Variants in PTGS2 observed in about 807,000 individuals in gnomAD.
The protein encoded by PTGS2 is prostaglandin-endoperoxide synthase 2.
In PTGS2, 14 loss-of-function variants were observed where a neutral mutation model predicts 63.8. The observed-to-expected ratio is 0.22, with a 90% CI of 0.14 to 0.34. The LOEUF is 0.34. Ranked by LOEUF, PTGS2 falls within the 10% of genes least tolerant of loss-of-function variation. PTGS2 has a pLI of 1.00. For synonymous variants in PTGS2, 271 were observed against 259.5 expected (o/e 1.04, Z -0.43); for missense variants, 533 against 738.5 (o/e 0.72, Z 3.23).
rs5271 is a variant in PTGS2 at position 186,680,415 on chromosome 1, A to C, written c.-125T>G. 2,814 of 639,186 alleles carry C rather than the reference A, an allele frequency of 4.4e-3. 51 individuals carry two copies. The highest frequency in any genetic ancestry group is 0.042 in the African/African-American group (2,205 of 52,446). 39.6% of individuals were successfully genotyped at this position (639,186 alleles called of 1,614,324 possible). On this transcript the variant is annotated 5_prime_UTR_variant, in exon 1 of 10. Transcript: ENST00000367468. ...GCTCCTGACGCTCACTGCAAGTCGT[A>C]TGACAATTGGTCGCTAACCGAGAGA...
chr1:186,679,512 A>G (rs57950969), intron 1 of PTGS2, 74 bp from the exon 2 acceptor site: 5 of 1,106,746 alleles, frequency 4.5e-6, no homozygotes, highest in African/African-American at 1.6e-5. Flanking sequence ...TTGTTTGACT[A>G]TGAATCAACT....
chr1:186,678,508 G>T (rs1222672020), intron 3 of PTGS2, 104 bp from the exon 4 acceptor site: 1 of 1,074,714 alleles, frequency 9.3e-7, no homozygotes, highest in Admixed American at 3.0e-5. Context: ...GAGGTTGAAT[G>T]TAACTCCAAA....
Position 186,679,135 on chromosome 1 carries a change from G to A in PTGS2, c.236C>T (p.Thr79Ile). 1 of 1,614,122 alleles carries A rather than the reference G, an allele frequency of 6.2e-7. No individual in the cohort carries two copies. The highest frequency in any genetic ancestry group is 8.5e-7 in the Non-Finnish European group (1 of 1,180,006). ...AACGTTCCAAAATCCCTTGAAGTGGGTAAGTATGTAGTGCACTGTGTTTGG... is the reference window on the plus strand; with the variant it reads ...AACGTTCCAAAATCCCTTGAAGTGGATAAGTATGTAGTGCACTGTGTTTGG... Reference protein sequence around the residue: ...PTPNTVHYILTHFKGFWNVVN... With the variant: ...PTPNTVHYILIHFKGFWNVVN... The change falls in exon 3 of 10, where the codon ACC becomes ATC. Residue 79 changes from threonine (T) to isoleucine (I), a missense_variant. Thr to Ile is a moderately conservative substitution (Grantham distance 89, BLOSUM62 -1). Coordinates refer to ENST00000367468, the MANE Select transcript of PTGS2 (RefSeq NM_000963.4).
chr1:186,675,203 C>T (rs767434713), intron 9 of PTGS2, 46 bp downstream of exon 9: 1 of 1,591,326 alleles, frequency 6.3e-7, no homozygotes. Flanking sequence ...ACAACAAAAA[C>T]AAACAAACAA....
At position 186,677,612 on chromosome 1, in the gene PTGS2, T is replaced by G. The variant is rs113471898; in HGVS notation, c.639+37A>C. The G allele has an allele frequency of 1.8e-5, 28 of 1,520,694 alleles. No homozygotes were observed. The African/African-American group carries it at 2.4e-4, about 13-fold the overall frequency. 94.2% of individuals were successfully genotyped at this position (1,520,694 alleles called of 1,614,324 possible). A position where few individuals can be genotyped will look rare whatever the true frequency, so the allele number is the denominator to read the frequency against. On this transcript the variant is annotated intron_variant, in intron 5 of 9. Transcript: ENST00000367468. ...GTTAGCCCTTGACTATGATTTGGTA[T>G]AATTTTACTAACTCTAAGATATTAA...
Position 186,675,281 on chromosome 1 carries a change from A to G in PTGS2, c.1373T>C (p.Leu458Pro). 6.2e-7 allele frequency: 1 copy of G among 1,613,840 alleles called. No homozygotes were observed. Among genetic ancestry groups the G allele is most frequent in the Non-Finnish European group, 8.5e-7 (1 of 1,179,938 alleles). ...TTCTTCAAATGATTCATAGGGCTTCAGCATAAAGCGTTTGCGGTACTCATT... is the reference window on the plus strand; with the variant it reads ...TTCTTCAAATGATTCATAGGGCTTCGGCATAAAGCGTTTGCGGTACTCATT... ...SFNEYRKRFM[L>P]KPYESFEELT... The change falls in exon 9 of 10, where the codon CTG (leucine) becomes CCG (proline). Residue 458 changes from leucine to proline, a missense_variant. This residue lies in a region of PTGS2 where 219 missense variants were observed against 267.4 expected (regional missense o/e 0.82). Coordinates refer to ENST00000367468, the MANE Select transcript of PTGS2 (RefSeq NM_000963.4).
intron 9 of PTGS2, 139 bp downstream of exon 9, chr1:186,675,110 G>A (rs1665757267): frequency 1.9e-6 from 2 of 1,070,304 alleles, no homozygotes; most frequent in African/African-American, 3.2e-5. Context: ...CCAGGAGGCG[G>A]AGGTTGCAGT....
In PTGS2 at chr1:186,679,006, G is replaced by A. The variant is rs944404094; in HGVS notation, c.313+52C>T. 40 of 1,557,120 alleles carry A rather than the reference G, an allele frequency of 2.6e-5. 1 individual carries two copies. The highest frequency in any genetic ancestry group is 3.0e-5 in the Non-Finnish European group (34 of 1,145,506). On this transcript the variant is annotated intron_variant, in intron 3 of 9. Transcript: ENST00000367468. ...TAGATTAGGCTTACAGTATTATAAA[G>A]CATATTTTTCTTTGAGAAGGCTAAA... is the stretch of plus-strand genomic sequence containing the variant.
chr1:186,674,898 G>A, intron 9 of PTGS2, 136 bp from the exon 10 acceptor site: 1 of 1,093,650 alleles, frequency 9.1e-7, no homozygotes, highest in Non-Finnish European at 1.3e-6. Flanking sequence ...AAGTTTAGGG[G>A]CCAGGCGCGG....
chr1:186,674,318 G>A lies in PTGS2; in HGVS notation c.*35C>T. 4 of 1,319,166 alleles carry A rather than the reference G, an allele frequency of 3.0e-6. No homozygotes were observed. In the African/African-American group the frequency reaches 4.5e-5, roughly 15 times the overall value. 81.7% of individuals were successfully genotyped at this position (1,319,166 alleles called of 1,614,324 possible). A position where few individuals can be genotyped will look rare whatever the true frequency, so the allele number is the denominator to read the frequency against. On this transcript the variant is annotated 3_prime_UTR_variant, in exon 10 of 10. Transcript: ENST00000367468. ...TTAAATAATTAAATTAATAGACATG[G>A]TTCATATAAATAAATAAATATGATC...
At chr1:186,679,008 A>T in intron 3 of PTGS2, 50 bp downstream of exon 3, 1 of 1,567,502 alleles carries the variant, frequency 6.4e-7, no homozygotes, top group Non-Finnish European at 8.7e-7. Context: ...ATTATAAAGC[A>T]TATTTTTCTT....
In PTGS2 at chr1:186,677,752, C is replaced by A; in HGVS notation, c.536G>T (p.Gly179Val). The change falls in exon 5 of 10, where the codon GGC becomes GTC. Residue 179 changes from glycine (G) to valine (V), a missense_variant. Gly to Val is a moderately radical substitution (Grantham distance 109). Transcript: ENST00000367468. ...LRRKFIPDPQ[G>V]SNMMFAFFAQ... ...AAAGAATGCAAACATCATGTTTGAG[C>A]CCTGGGGATCAGGGATGAACTTTCT... is the stretch of plus-strand genomic sequence containing the variant. 6.2e-7 allele frequency: 1 copy of A among 1,613,876 alleles called. No individual in the cohort carries two copies. The highest frequency in any genetic ancestry group is 8.5e-7 in the Non-Finnish European group (1 of 1,179,910).
Position 186,676,016 on chromosome 1 carries a change from G to T in PTGS2, c.1139C>A (p.Thr380Asn). The T allele has an allele frequency of 6.2e-7, 1 of 1,614,034 alleles. No homozygotes were observed. Among genetic ancestry groups the T allele is most frequent in the Non-Finnish European group, 8.5e-7 (1 of 1,179,956 alleles). Residue 380 changes from threonine to asparagine, a missense_variant, in exon 8 of 10, where the codon ACC (threonine) becomes AAC (asparagine). Physicochemically the swap from Thr to Asn is moderately conservative, Grantham distance 65. Transcript: ENST00000367468. ...LYHWHPLLPD[T>N]FQIHDQKYNY... Reference sequence around the variant, plus strand: ...GTATTTCTGGTCATGAATTTGAAAGGTGTCAGGCAGAAGGGGATGCCAGTG... The same window carrying T: ...GTATTTCTGGTCATGAATTTGAAAGTTGTCAGGCAGAAGGGGATGCCAGTG...
At chr1:186,678,191 A>ATT (rs553869709) in intron 4 of PTGS2, 70 bp downstream of exon 4, 110 of 1,066,224 alleles carry the variant, frequency 1.0e-4, no homozygotes, top group South Asian at 5.9e-4. Flanking sequence ...TCTAAGGTCA[A>ATT]TTTTTTTTTT....
rs1271131520 is a variant in PTGS2, at chr1:186,674,105, T to G, written c.*248A>C. On this transcript the variant is annotated 3_prime_UTR_variant, in exon 10 of 10. Transcript: ENST00000367468. ...AAGTTGAAATTCAAGTAAAAAGACG[T>G]CAAAACTCATTTCTCTCTGGTTTAT... 1.5e-5 allele frequency: 3 copies of G among 203,862 alleles called. No homozygotes were observed. The highest frequency in any genetic ancestry group is 9.6e-6 in the Non-Finnish European group (1 of 103,762). 12.6% of individuals were successfully genotyped at this position (203,862 alleles called of 1,614,324 possible). A position where few individuals can be genotyped will look rare whatever the true frequency, so the allele number is the denominator to read the frequency against.
In PTGS2 at chr1:186,676,468, T is replaced by A. The variant is rs560493125; in HGVS notation, c.969A>T (p.Ile323=). The change falls in exon 7 of 10, where the codon ATA becomes ATT. Residue 323 remains isoleucine (I), a splice_region_variant and synonymous_variant. Coordinates refer to ENST00000367468, the MANE Select transcript of PTGS2 (RefSeq NM_000963.4). The part of the protein sequence containing the change: ...QLFQTSRLIL[I]GETIKIVIED... ...TATATAAATCATTTTCTTGTTTACC[T>A]ATCAGTATTAGCCTGCTTGTCTGGA... The A allele has an allele frequency of 8.1e-6, 13 of 1,613,010 alleles. No homozygotes were observed. The South Asian group carries it at 1.4e-4, about 18-fold the overall frequency.
At chr1:186,675,551 C>G in intron 8 of PTGS2, 155 bp from the exon 9 acceptor site, 1 of 903,268 alleles carries the variant, frequency 1.1e-6, no homozygotes, top group Non-Finnish European at 1.6e-6. Context: ...TCAACAGGAG[C>G]TCTGCTTAAA....
In PTGS2 at chr1:186,679,123, C is replaced by T. The variant is rs866635655; in HGVS notation, c.248G>A (p.Gly83Glu). 4 of 1,614,108 alleles carry T rather than the reference C, an allele frequency of 2.5e-6. No individual in the cohort carries two copies. The highest frequency in any genetic ancestry group is 3.4e-6 in the Non-Finnish European group (4 of 1,180,008). The part of the protein sequence containing the change: ...TVHYILTHFK[G>E]FWNVVNNIPF... ...AATGTTATTCACAACGTTCCAAAAT[C>T]CCTTGAAGTGGGTAAGTATGTAGTG... The change falls in exon 3 of 10, where the codon GGA (glycine) becomes GAA (glutamate). Residue 83 changes from glycine (G) to glutamate (E), a missense_variant. Coordinates refer to ENST00000367468, the MANE Select transcript of PTGS2 (RefSeq NM_000963.4).
Position 186,675,237 on chromosome 1 carries a change from A to C in PTGS2, c.1405+12T>G. The C allele has an allele frequency of 6.2e-7, 1 of 1,603,180 alleles. No homozygotes were observed. The highest frequency in any genetic ancestry group is 8.5e-7 in the Non-Finnish European group (1 of 1,177,674). On this transcript the variant is annotated intron_variant, in intron 9 of 9. Transcript: ENST00000367468. ...AAACAAAAAACGAAGAAGTTTAGAA[A>C]CTGTTTCTTACCTGTAAGTTCTTCA...
Sources: gnomAD v4.1 joint callset for allele counts on GRCh38, gnomAD v4.1.1 for gene constraint, gnomAD v4.1.1 regional missense constraint, MANE v1.5 for transcripts, NCBI Gene and HGNC (gene_info 2026-07-23, HGNC 2026-07-21) for gene names.